USP34: variants seen among roughly 807,000 people sequenced by gnomAD.
The protein encoded by USP34 is ubiquitin carboxyl-terminal hydrolase 34.
In USP34, 70 loss-of-function variants were observed where a neutral mutation model predicts 460.3. The ratio of observed to expected loss-of-function variants is 0.15; its 90% CI spans 0.13 to 0.19. The LOEUF (loss-of-function observed/expected upper bound fraction) is 0.19, where lower values mean the gene tolerates loss of function less well. Ranked by LOEUF, USP34 falls within the 10% of genes least tolerant of loss-of-function variation. USP34 has a pLI of 1.00. For missense variants in USP34, 3,985 were observed against 4,236.2 expected, an observed-to-expected ratio of 0.94 and a Z score of 1.65; for synonymous variants, 1,647 against 1,405.3, an observed-to-expected ratio of 1.17 and a Z score of -3.85.
At chr2:61,238,973 ATAT>A (rs1397963252) in intron 53 of USP34, among the ~76,000 whole-genome samples, 1 of 150,774 alleles carries the variant, frequency 6.6e-6, no homozygotes, top group Non-Finnish European at 1.5e-5. Context: ...TCATTATTAT[ATAT>A]TATTATATAT....
chr2:61,232,045 A>T (rs972375166), intron 58 of USP34, among the ~76,000 whole-genome samples: 8 of 152,114 alleles, frequency 5.3e-5, no homozygotes, highest in African/African-American at 1.4e-4. Flanking sequence ...GTTTCGTTTG[A>T]CAGTTCAGAC....
chr2:61,469,559 T>C (rs1345988364), intron 1 of USP34, among the ~76,000 whole-genome samples: 1 of 152,232 alleles, frequency 6.6e-6, no homozygotes, highest in African/African-American at 2.4e-5. Flanking sequence ...ACTTTTATTA[T>C]TGTCTTTGGT....
intron 62 of USP34, chr2:61,223,570 TTAC>T (rs1356370928): frequency 1.2e-5 from 4 of 322,166 alleles, no homozygotes; most frequent in Non-Finnish European, 2.2e-5. Context: ...CTTATTTTAC[TTAC>T]TTTTTTTTTT....
At chr2:61,453,193 T>C (rs1695336021) in intron 1 of USP34, among the ~76,000 whole-genome samples, 1 of 152,030 alleles carries the variant, frequency 6.6e-6, no homozygotes, top group Admixed American at 6.6e-5. Context: ...GGTGGATTGC[T>C]AGAGCCCATG....
chr2:61,358,160 C>G (rs9677047), intron 10 of USP34, among the ~76,000 whole-genome samples: 49,652 of 151,406 alleles, frequency 0.33, 8,333 homozygotes, highest in South Asian at 0.38. Context: ...CCACGGCACT[C>G]CAGCCTGGGC....
chr2:61,261,005 AAAAC>A (rs761741464), intron 43 of USP34, among the ~76,000 whole-genome samples: 6 of 152,214 alleles, frequency 3.9e-5, no homozygotes, highest in Non-Finnish European at 8.8e-5. Flanking sequence ...GGCTATTATT[AAAAC>A]AAACAGAAAA....
At position 61,383,288 on chromosome 2, in the gene USP34, A is replaced by C; in HGVS notation, c.802T>G (p.Phe268Val). The stretch of plus-strand genomic sequence containing the variant: ...ACTTACCTAATAACATAGGTCCTAA[A>C]AGGTATAATGTGCTGCATGACAGCG... ...IPAVMQHIIP[F>V]RTYVIRYLCK... The change falls in exon 6 of 80, where the codon TTT becomes GTT. Residue 268 changes from phenylalanine to valine, a missense_variant. Phe to Val is a conservative substitution (Grantham distance 50). Around this residue, in one of 14 missense-constraint regions of USP34, gnomAD observed 70 missense variants for 109.5 expected, o/e 0.64. Coordinates refer to ENST00000398571, the MANE Select transcript of USP34 (RefSeq NM_014709.4). The C allele has an allele frequency of 1.9e-6, 3 of 1,603,854 alleles. No homozygotes were observed. Among genetic ancestry groups the C allele is most frequent in the Non-Finnish European group, 2.6e-6 (3 of 1,174,356 alleles).
At chr2:61,327,994 A>G (rs779565829) in intron 20 of USP34, among the ~76,000 whole-genome samples, 9 of 152,208 alleles carry the variant, frequency 5.9e-5, no homozygotes, top group Non-Finnish European at 1.2e-4. Context: ...GAAACACGTA[A>G]TATGTCCTTT....
At chr2:61,455,309 G>C (rs1274947132) in intron 1 of USP34, among the ~76,000 whole-genome samples, 1 of 152,080 alleles carries the variant, frequency 6.6e-6, no homozygotes, top group Non-Finnish European at 1.5e-5. Context: ...CTCCTGGGTA[G>C]CTAGGATTAT....
At chr2:61,213,995 AG>A in intron 68 of USP34, 64 bp downstream of exon 68, 1 of 1,579,546 alleles carries the variant, frequency 6.3e-7, no homozygotes, top group South Asian at 1.2e-5. Context: ...ACTTCCCACC[AG>A]GGGAAAAACA....
At chr2:61,229,457 T>TAAAAAA (rs57231258) in intron 59 of USP34, 91 bp downstream of exon 59, 56 of 382,130 alleles carry the variant, frequency 1.5e-4, no homozygotes, top group Middle Eastern at 7.2e-4. Flanking sequence ...CCCTATCTCT[T>TAAAAAA]AAAAAAAAAA....
chr2:61,197,234 G>A (rs933794729), intron 75 of USP34, among the ~76,000 whole-genome samples: 3 of 152,190 alleles, frequency 2.0e-5, no homozygotes, highest in Non-Finnish European at 2.9e-5. Context: ...CTGTGCCACT[G>A]TACTCCAGCC....
chr2:61,442,443 C>T (rs1398074175), intron 1 of USP34, among the ~76,000 whole-genome samples: 1 of 147,688 alleles, frequency 6.8e-6, no homozygotes, highest in Non-Finnish European at 1.5e-5. Flanking sequence ...ATTAAAAATG[C>T]ACACACAATG....
Position 61,470,974 on chromosome 2 carries a change from A to AGGGGAGAG in USP34, c.-290_-283dup, listed in dbSNP as rs1416456586. Among the ~76,000 whole-genome samples the AGGGGAGAG allele has an allele frequency of 9.5e-5, 1 of 10,514 alleles. No homozygotes were observed. Among genetic ancestry groups the AGGGGAGAG allele is most frequent in the African/African-American group, 3.9e-4 (1 of 2,578 alleles). The allele number at this position is 10,514 out of a possible 152,430, so 6.9% of individuals were successfully genotyped here. ...GGGGAAGGGGGGGAAGGACGGGGGG[A>AGGGGAGAG]GGGGAGAGGGGGGGAGGGGGCGGGT... On this transcript the variant is annotated 5_prime_UTR_variant, in exon 1 of 80. Transcript: ENST00000398571.
intron 2 of USP34, among the ~76,000 whole-genome samples, chr2:61,419,112 A>T (rs1465725129): frequency 6.6e-6 from 1 of 152,174 alleles, no homozygotes; most frequent in African/African-American, 2.4e-5. Context: ...TACAGAACTT[A>T]ACTCATTTGT....
Position 61,470,474 on chromosome 2 carries a change from C to A in USP34, c.43+176G>T, listed in dbSNP as rs924352489. Among the ~76,000 whole-genome samples the A allele has an allele frequency of 8.7e-5, 13 of 148,780 alleles. No homozygotes were observed. In the South Asian group the frequency reaches 1.2e-3, roughly 14 times the overall value. On this transcript the variant is annotated intron_variant, in intron 1 of 79. Coordinates refer to ENST00000398571, the MANE Select transcript of USP34 (RefSeq NM_014709.4). The stretch of plus-strand genomic sequence containing the variant: ...CGGGCGCCCAGGTAACCCGGCCGGG[C>A]TGGGCCCGAGGCGCCGCGGCGGCCG...
Position 61,319,268 on chromosome 2 carries a change from A to T in USP34, c.3073T>A (p.Tyr1025Asn). 1 of 1,595,606 alleles carries T rather than the reference A, an allele frequency of 6.3e-7. No homozygotes were observed. ...WHCLVEDSECYDDALHWFLNQ... is the reference protein window; with the variant it reads ...WHCLVEDSECNDDALHWFLNQ... Reference sequence around the variant, plus strand: ...AAAAACCAATGGAGTGCATCATCATAACATTCAGAATCTTCTACTAAACAA... The same window carrying T: ...AAAAACCAATGGAGTGCATCATCATTACATTCAGAATCTTCTACTAAACAA... Residue 1025 changes from tyrosine (Y) to asparagine (N), a missense_variant, in exon 22 of 80, where the codon TAT (tyrosine) becomes AAT (asparagine). Tyr to Asn is a moderately radical substitution (Grantham distance 143, BLOSUM62 -2). Transcript: ENST00000398571.
chr2:61,393,388 G>A (rs972145563), intron 5 of USP34, among the ~76,000 whole-genome samples: 6 of 148,174 alleles, frequency 4.0e-5, no homozygotes, highest in Non-Finnish European at 7.4e-5. Context: ...CCAAGATCAT[G>A]CCACTGCACT....
At chr2:61,325,952 AAAT>A (rs1361997560) in intron 20 of USP34, among the ~76,000 whole-genome samples, 31 of 152,304 alleles carry the variant, frequency 2.0e-4, no homozygotes, top group African/African-American at 6.7e-4. Flanking sequence ...TTTCCAATCT[AAAT>A]AATTATAATT....
Sources: gnomAD v4.1 joint callset for allele counts (sites outside exome capture counted in the v4.1 genomes callset) on GRCh38, gnomAD v4.1.1 for gene constraint, gnomAD v4.1.1 regional missense constraint, MANE v1.5 for transcripts, NCBI Gene and HGNC (gene_info 2026-07-23, HGNC 2026-07-21) for gene names.